Variants in GRIA4 observed in about 807,000 individuals in gnomAD.
The protein encoded by GRIA4 is glutamate ionotropic receptor AMPA type subunit 4.
GRIA4 carries 34 observed loss-of-function variants against 104.0 expected under a neutral mutation model. The observed-to-expected ratio is 0.33, with a 90% CI of 0.25 to 0.44. GRIA4 has a LOEUF of 0.44. Among genes scored for constraint, GRIA4 ranks in the 20% least tolerant of loss-of-function variants. The pLI is 1.00. For synonymous variants in GRIA4, 386 were observed against 381.9 expected, an observed-to-expected ratio of 1.01 and a Z score of -0.13; for missense variants, 750 against 1,096.5, an observed-to-expected ratio of 0.68 and a Z score of 4.46.
At chr11:105,862,895 A>T (rs960040016) in intron 5 of GRIA4, among the ~76,000 whole-genome samples, 15 of 152,184 alleles carry the variant, frequency 9.9e-5, no homozygotes, top group African/African-American at 3.6e-4. Flanking sequence ...AATGGATAAC[A>T]TCTGCCTTTC....
intron 3 of GRIA4, among the ~76,000 whole-genome samples, chr11:105,626,874 A>G (rs1382935941): frequency 1.3e-5 from 2 of 152,178 alleles, no homozygotes; most frequent in Non-Finnish European, 2.9e-5. Context: ...CTCAAAATGT[A>G]ATACTGATTT....
intron 3 of GRIA4, among the ~76,000 whole-genome samples, chr11:105,673,091 A>G (rs1455085087): frequency 1.3e-5 from 2 of 152,080 alleles, no homozygotes; most frequent in Non-Finnish European, 2.9e-5. Context: ...GAAAAAGTCT[A>G]TACCATCTGG....
intron 5 of GRIA4, among the ~76,000 whole-genome samples, chr11:105,871,130 C>A: frequency 6.6e-6 from 1 of 151,776 alleles, no homozygotes; most frequent in East Asian, 1.9e-4. Flanking sequence ...GGAAGCCACA[C>A]AATAAAGGAA....
chr11:105,724,020 T>C (rs1206444818), intron 3 of GRIA4, among the ~76,000 whole-genome samples: 2 of 152,054 alleles, frequency 1.3e-5, no homozygotes, highest in Non-Finnish European at 2.9e-5. Context: ...TAACAGATGT[T>C]GGGAAGGATG....
chr11:105,618,594 G>T (rs926693587), intron 3 of GRIA4, among the ~76,000 whole-genome samples: 4 of 152,034 alleles, frequency 2.6e-5, no homozygotes, highest in African/African-American at 7.2e-5. Flanking sequence ...AGAAGGAGCA[G>T]ATCTGAGTGG....
chr11:105,871,258 C>T (rs898629628), intron 5 of GRIA4, among the ~76,000 whole-genome samples: 2 of 151,856 alleles, frequency 1.3e-5, no homozygotes, highest in African/African-American at 4.8e-5. Context: ...GTAACTAATC[C>T]AAGTAGGGTT....
At chr11:105,934,040 A>G (rs1334152646) in intron 14 of GRIA4, 71 bp downstream of exon 14, 3 of 1,261,928 alleles carry the variant, frequency 2.4e-6, no homozygotes, top group Non-Finnish European at 3.3e-6. Flanking sequence ...TGCCTGAGAG[A>G]ATTATTTTGT....
At chr11:105,668,235 A>AC (rs11378147) in intron 3 of GRIA4, among the ~76,000 whole-genome samples, 25 of 40,292 alleles carry the variant, frequency 6.2e-4, no homozygotes, top group South Asian at 2.5e-3. Context: ...ATATATATAT[A>AC]TATATATATA....
chr11:105,652,764 G>A (rs556125055), intron 3 of GRIA4, among the ~76,000 whole-genome samples: 1 of 152,228 alleles, frequency 6.6e-6, no homozygotes, highest in South Asian at 2.1e-4. Flanking sequence ...TCCAAGACCT[G>A]CAGTGGATGC....
chr11:105,662,007 T>TTGTGTGTGTGTGTG (rs34715406), intron 3 of GRIA4, among the ~76,000 whole-genome samples: 10 of 149,850 alleles, frequency 6.7e-5, no homozygotes, highest in African/African-American at 2.2e-4. Context: ...GTGTGTGTGT[T>TTGTGTGTGTGTGTG]TGTGTGTGTG....
chr11:105,699,624 T>C (rs903208723), intron 3 of GRIA4, among the ~76,000 whole-genome samples: 3 of 152,148 alleles, frequency 2.0e-5, no homozygotes, highest in Non-Finnish European at 2.9e-5. Flanking sequence ...TATGGTTTTA[T>C]TTATCTTTGT....
chr11:105,881,617 C>T (rs1946062873), intron 5 of GRIA4, among the ~76,000 whole-genome samples: 1 of 152,096 alleles, frequency 6.6e-6, no homozygotes. Flanking sequence ...TCTTCTTTCT[C>T]TCTCCGTCCT....
At chr11:105,959,600 C>T (rs973722874) in intron 14 of GRIA4, among the ~76,000 whole-genome samples, 1 of 152,166 alleles carries the variant, frequency 6.6e-6, no homozygotes, top group Non-Finnish European at 1.5e-5. Flanking sequence ...AGACTCCTTC[C>T]GTCAGTTCTC....
At chr11:105,905,827 C>G (rs117145934) in intron 9 of GRIA4, among the ~76,000 whole-genome samples, 308 of 152,182 alleles carry the variant, frequency 2.0e-3, no homozygotes, top group Middle Eastern at 0.01. Flanking sequence ...CTAAGTTGTT[C>G]AGGAAGGTGC....
At chr11:105,843,331 T>C (rs1431945282) in intron 4 of GRIA4, among the ~76,000 whole-genome samples, 1 of 152,244 alleles carries the variant, frequency 6.6e-6, no homozygotes, top group African/African-American at 2.4e-5. Context: ...TATGTTGTTT[T>C]ATAAAGGATA....
intron 12 of GRIA4, among the ~76,000 whole-genome samples, chr11:105,925,573 G>A (rs1947682953): frequency 6.6e-6 from 1 of 152,018 alleles, no homozygotes; most frequent in East Asian, 1.9e-4. Flanking sequence ...TCTCAAAAAA[G>A]AGGCATTTTG....
chr11:105,840,558 C>T (rs944134221), intron 4 of GRIA4, among the ~76,000 whole-genome samples: 4 of 152,042 alleles, frequency 2.6e-5, no homozygotes, highest in African/African-American at 9.7e-5. Context: ...TAGAAGGCAC[C>T]CTGTTGTGCT....
chr11:105,627,133 C>G (rs2135294134), intron 3 of GRIA4, among the ~76,000 whole-genome samples: 3 of 152,278 alleles, frequency 2.0e-5, no homozygotes, highest in Non-Finnish European at 2.9e-5. Flanking sequence ...AATTATGTGA[C>G]AATCTGCTTA....
rs1168559900 is a variant in GRIA4 at position 105,913,111 on chromosome 11, G to A, written c.1269+2566G>A. ...TAAATAAAATTGATTGAGAAATTCAGTTATTCATAAATATTTATTGAGCGT... is the reference window on the plus strand; with the variant it reads ...TAAATAAAATTGATTGAGAAATTCAATTATTCATAAATATTTATTGAGCGT... On this transcript the variant is annotated intron_variant, in intron 10 of 16. Transcript: ENST00000282499. The A allele has an allele frequency of 8.5e-6, 6 of 701,762 alleles. No individual in the cohort carries two copies. In the Admixed American group the frequency reaches 2.5e-4, roughly 29 times the overall value. The allele number at this position is 701,762 out of a possible 1,614,324, so 43.5% of individuals were successfully genotyped here. A position where few individuals can be genotyped will look rare whatever the true frequency, so the allele number is the denominator to read the frequency against.
Sources: gnomAD v4.1 joint callset for allele counts (sites outside exome capture counted in the v4.1 genomes callset) on GRCh38, gnomAD v4.1.1 for gene constraint, MANE v1.5 for transcripts, NCBI Gene and HGNC (gene_info 2026-07-23, HGNC 2026-07-21) for gene names.